The following RETREG3 variants were observed in gnomAD, a reference collection of about 807,000 sequenced individuals.
RETREG3 encodes reticulophagy regulator family member 3.
In RETREG3, 23 loss-of-function variants were observed where a neutral mutation model predicts 50.2. The observed-to-expected ratio is 0.46, with a 90% CI of 0.33 to 0.65. RETREG3 has a LOEUF of 0.65. RETREG3 is among the 30% of genes least tolerant of loss of function. RETREG3 has a pLI of 0.02. For synonymous variants in RETREG3, 240 were observed against 234.4 expected, an observed-to-expected ratio of 1.02 and a Z score of -0.22; for missense variants, 546 against 598.0, an observed-to-expected ratio of 0.91 and a Z score of 0.91.
chr17:42,591,042 C>T (rs531478725), intron 2 of RETREG3, among the ~76,000 whole-genome samples: 8 of 152,324 alleles, frequency 5.3e-5, no homozygotes, highest in African/African-American at 1.7e-4. Flanking sequence ...CTAGCACTCC[C>T]TTTAATGAAC....
chr17:42,594,625 C>T (rs1430131887), intron 1 of RETREG3, among the ~76,000 whole-genome samples: 7 of 151,892 alleles, frequency 4.6e-5, no homozygotes, highest in African/African-American at 1.5e-4. Flanking sequence ...GGGCAGATCA[C>T]GAGGTCAGGA....
rs755553255 is a variant in RETREG3, at chr17:42,586,768, G to A, written c.501C>T (p.Gly167=). ...GTGAAAAAGGGAAGAGTCTTACCTT[G>A]CCTGGGTTTTGCTTTTTGAAAAGCA... ...NVLLFKKQNP[G]KFCLLSCGIL... is the part of the protein sequence containing the mutation. The change falls in exon 4 of 9, where the codon GGC becomes GGT. Residue 167 remains glycine, a synonymous_variant. Transcript: ENST00000309428. The A allele has an allele frequency of 6.2e-7, 1 of 1,613,876 alleles. No homozygotes were observed. The highest frequency in any genetic ancestry group is 1.1e-5 in the South Asian group (1 of 91,038).
At chr17:42,600,748 G>A (rs1181665518) in intron 1 of RETREG3, among the ~76,000 whole-genome samples, 2 of 152,164 alleles carry the variant, frequency 1.3e-5, no homozygotes, top group Admixed American at 1.3e-4. Flanking sequence ...ACTCTAAAAA[G>A]TGTGAAGACA....
rs183152460 is a variant in RETREG3 at position 42,609,333 on chromosome 17, G to T, written c.-9C>A. On this transcript the variant is annotated 5_prime_UTR_variant, in exon 1 of 9. Transcript: ENST00000309428. ...CCTTCGGCCTCAGCCATCTCCCCGC[G>T]GCAGCCACAACATCCGGGGCCGTGG... The T allele has an allele frequency of 2.1e-5, 34 of 1,593,608 alleles. No individual in the cohort carries two copies. The highest frequency in any genetic ancestry group is 7.7e-5 in the South Asian group (7 of 90,712).
At chr17:42,586,424 GT>G in intron 4 of RETREG3, 1 of 420,874 alleles carries the variant, frequency 2.4e-6, no homozygotes. Flanking sequence ...GTTGGTGGTG[GT>G]TTTTTAAGTC....
At chr17:42,607,101 A>C (rs2093169130) in intron 1 of RETREG3, among the ~76,000 whole-genome samples, 1 of 152,214 alleles carries the variant, frequency 6.6e-6, no homozygotes, top group Admixed American at 6.5e-5. Context: ...AGAGATACCA[A>C]AACCACTGTG....
Position 42,581,661 on chromosome 17 carries a change from C to CT in RETREG3, c.*151dup, listed in dbSNP as rs2093108915. The CT allele has an allele frequency of 1.9e-5, 13 of 669,756 alleles. No homozygotes were observed. Among genetic ancestry groups the CT allele is most frequent in the Non-Finnish European group, 2.9e-5 (12 of 409,644 alleles). The allele number at this position is 669,756 out of a possible 1,614,324, so 41.5% of individuals were successfully genotyped here. A position where few individuals can be genotyped will look rare whatever the true frequency, so the allele number is the denominator to read the frequency against. On this transcript the variant is annotated 3_prime_UTR_variant, in exon 9 of 9. Transcript: ENST00000309428. ...CTGGTGGGAGGGGAGTGAGTGTCCTCTCTAAGGAGGCCTCTGAGCATCAGC... is the reference window on the plus strand; with the variant it reads ...CTGGTGGGAGGGGAGTGAGTGTCCTCTTCTAAGGAGGCCTCTGAGCATCAGC...
rs1351925194 is a variant in RETREG3 at position 42,579,622 on chromosome 17, C to G, written c.*2191G>C. 6.5e-6 allele frequency: 1 copy of G among 152,756 alleles called. No homozygotes were observed. Among genetic ancestry groups the G allele is most frequent in the African/African-American group, 2.4e-5 (1 of 41,376 alleles). The allele number at this position is 152,756 out of a possible 1,614,324, so 9.5% of individuals were successfully genotyped here. A position where few individuals can be genotyped will look rare whatever the true frequency, so the allele number is the denominator to read the frequency against. The stretch of plus-strand genomic sequence containing the variant: ...TCCCTCAGGTACAAGAAACACCTTC[C>G]GAAGATTTTGCTCTCCTTCCTTCCC... On this transcript the variant is annotated 3_prime_UTR_variant, in exon 9 of 9. Coordinates refer to ENST00000309428, the MANE Select transcript of RETREG3 (RefSeq NM_178126.4).
At chr17:42,588,771 C>T (rs2093126416) in intron 2 of RETREG3, among the ~76,000 whole-genome samples, 1 of 152,024 alleles carries the variant, frequency 6.6e-6, no homozygotes, top group Non-Finnish European at 1.5e-5. Context: ...AATTCTCCTG[C>T]CTCAGCCTCC....
At chr17:42,608,991 G>C (rs2093173870) in intron 1 of RETREG3, 95 bp downstream of exon 1, 1 of 1,273,116 alleles carries the variant, frequency 7.9e-7, no homozygotes. Context: ...GAAGGAGCCA[G>C]TGCAGCGAAG....
intron 1 of RETREG3, among the ~76,000 whole-genome samples, chr17:42,602,798 A>G (rs1199872136): frequency 1.3e-5 from 2 of 151,920 alleles, no homozygotes; most frequent in Non-Finnish European, 2.9e-5. Context: ...AAAACAATTA[A>G]CCAGGTGTGG....
rs1166310433 is a variant in RETREG3 at position 42,597,652 on chromosome 17, C to CA, written c.240-5491dup. Among the ~76,000 whole-genome samples, 7 of 91,470 alleles carry CA rather than the reference C, an allele frequency of 7.7e-5. No homozygotes were observed. The South Asian group carries it at 2.5e-3, about 32-fold the overall frequency. The allele number at this position is 91,470 out of a possible 152,430, so 60.0% of individuals were successfully genotyped here. A position where few individuals can be genotyped will look rare whatever the true frequency, so the allele number is the denominator to read the frequency against. ...TTTTTTTTTTTTTTTTTTTTTGAGA[C>CA]AGAGTCTCACTCTGTCACCCAGGCT... On this transcript the variant is annotated intron_variant, in intron 1 of 8. Transcript: ENST00000309428.
chr17:42,594,137 G>A (rs570267949), intron 1 of RETREG3, among the ~76,000 whole-genome samples: 15 of 152,046 alleles, frequency 9.9e-5, no homozygotes, highest in Non-Finnish European at 1.6e-4. Flanking sequence ...TGCAGTGAGC[G>A]GAGATCGCAC....
chr17:42,597,591 A>ATTT (rs1597739928), intron 1 of RETREG3, among the ~76,000 whole-genome samples: 117 of 8,066 alleles, frequency 0.015, 2 homozygotes, highest in African/African-American at 0.031. Flanking sequence ...GTATATATAT[A>ATTT]TATATATATA....
At chr17:42,609,384 T>G (rs1243741059), upstream of RETREG3, 3 of 1,506,180 alleles carry the variant, frequency 2.0e-6, no homozygotes, top group East Asian at 6.8e-5. Flanking sequence ...TAACAGCAAC[T>G]GCGCAGATGC....
At chr17:42,590,686 G>T (rs1031508507) in intron 2 of RETREG3, among the ~76,000 whole-genome samples, 1 of 151,926 alleles carries the variant, frequency 6.6e-6, no homozygotes, top group Non-Finnish European at 1.5e-5. Flanking sequence ...AAAAGAATGC[G>T]CCAGGTGCGG....
intron 1 of RETREG3, among the ~76,000 whole-genome samples, chr17:42,593,676 C>T (rs1194995426): frequency 4.4e-4 from 64 of 146,404 alleles, no homozygotes; most frequent in Non-Finnish European, 1.5e-5. Context: ...AAAAATTGAA[C>T]AATCTGAGAA....
intron 1 of RETREG3, among the ~76,000 whole-genome samples, chr17:42,602,474 A>G (rs1442107538): frequency 1.3e-5 from 2 of 152,168 alleles, no homozygotes; most frequent in Admixed American, 6.6e-5. Flanking sequence ...CATCACTCCA[A>G]AAGAAACCCA....
chr17:42,609,100 C>G lies in RETREG3; in HGVS notation c.225G>C (p.Leu75=), dbSNP rs1006363576. The G allele has an allele frequency of 1.2e-6, 2 of 1,606,754 alleles. No individual in the cohort carries two copies. Among genetic ancestry groups the G allele is most frequent in the Non-Finnish European group, 1.7e-6 (2 of 1,179,776 alleles). ...AGTTCTCTCACCAGAAAGCCGCGTT[C>G]AGCCCCAGGCACCACAGAGCGCTCC... ...PARSALWCLG[L]NAAFWFFALT... Residue 75 remains leucine, a synonymous_variant, in exon 1 of 9, where the codon CTG becomes CTC. Transcript: ENST00000309428.
Sources: gnomAD v4.1 joint callset for allele counts (sites outside exome capture counted in the v4.1 genomes callset) on GRCh38, gnomAD v4.1.1 for gene constraint, MANE v1.5 for transcripts, NCBI Gene and HGNC (gene_info 2026-07-23, HGNC 2026-07-21) for gene names.